Variants in TMSB15B observed in about 807,000 individuals in gnomAD.
The protein encoded by TMSB15B is thymosin beta-15B.
chrX:103,947,981 T>G (rs782141124), intron 1 of TMSB15B, among the ~76,000 whole-genome samples: 27 of 110,325 alleles, frequency 2.4e-4, no homozygotes, highest in African/African-American at 8.9e-4. Flanking sequence ...TAAGTGAGAG[T>G]TGAACAATGA....
chrX:103,928,494 C>T, intron 1 of TMSB15B: 1 of 1,203,109 alleles, frequency 8.3e-7, no homozygotes, highest in Admixed American at 2.2e-5. Context: ...TGGCACTCAG[C>T]CCCTTTGAAA....
intron 1 of TMSB15B, among the ~76,000 whole-genome samples, chrX:103,947,443 T>C (rs1317214676): frequency 9.8e-5 from 11 of 111,923 alleles, no homozygotes; most frequent in African/African-American, 2.9e-4. Context: ...GAGCTGGTTA[T>C]ATGGGTGTCT....
intron 1 of TMSB15B, among the ~76,000 whole-genome samples, chrX:103,924,790 G>A (rs1556318525): frequency 9.0e-6 from 1 of 111,231 alleles, no homozygotes; most frequent in Admixed American, 9.5e-5. Flanking sequence ...GGAATCCCCT[G>A]GGCTCATTTT....
chrX:103,939,049 G>T (rs2075005899), intron 1 of TMSB15B, among the ~76,000 whole-genome samples: 1 of 112,050 alleles, frequency 8.9e-6, no homozygotes, highest in Admixed American at 9.4e-5. Flanking sequence ...GCTTCCCTTT[G>T]TGGGTAACTT....
chrX:103,937,024 T>G (rs1376833119), intron 1 of TMSB15B, among the ~76,000 whole-genome samples: 20 of 112,237 alleles, frequency 1.8e-4, no homozygotes, highest in African/African-American at 6.5e-4. Flanking sequence ...GAAGCTGACT[T>G]GATTGTAGTG....
chrX:103,928,715 G>A, intron 1 of TMSB15B: 2 of 1,160,471 alleles, frequency 1.7e-6, no homozygotes, highest in East Asian at 3.0e-5. Flanking sequence ...GCAGAGCAAG[G>A]CCTGGCCCAT....
At chrX:103,925,236 T>C (rs2147816552) in intron 1 of TMSB15B, among the ~76,000 whole-genome samples, 1 of 112,438 alleles carries the variant, frequency 8.9e-6, no homozygotes, top group African/African-American at 3.2e-5. Flanking sequence ...TGAAATGTCT[T>C]GCCCAAGGTC....
chrX:103,953,882 A>G (rs1313140179), intron 1 of TMSB15B, among the ~76,000 whole-genome samples: 2 of 111,505 alleles, frequency 1.8e-5, no homozygotes, highest in African/African-American at 6.5e-5. Flanking sequence ...CTAACAAAGA[A>G]GCAGAGACCC....
At chrX:103,928,757 A>G in intron 1 of TMSB15B, 7 of 1,178,201 alleles carry the variant, frequency 5.9e-6, no homozygotes, top group Non-Finnish European at 8.1e-6. Context: ...GGTAGTGTCA[A>G]TGAAACAATC....
intron 1 of TMSB15B, among the ~76,000 whole-genome samples, chrX:103,952,123 C>T (rs1316443551): frequency 1.8e-5 from 2 of 111,429 alleles, no homozygotes; most frequent in Non-Finnish European, 3.8e-5. Flanking sequence ...CAGGCTGACT[C>T]AAACTCCTGG....
chrX:103,939,412 A>T (rs781850413), intron 1 of TMSB15B, among the ~76,000 whole-genome samples: 13 of 108,787 alleles, frequency 1.2e-4, no homozygotes, highest in African/African-American at 4.4e-4. Context: ...GCTGATCTTC[A>T]ATCTCTGATA....
At chrX:103,948,677 T>C (rs1164270367) in intron 1 of TMSB15B, among the ~76,000 whole-genome samples, 1 of 112,488 alleles carries the variant, frequency 8.9e-6, no homozygotes, top group African/African-American at 3.2e-5. Flanking sequence ...ATTCACAATG[T>C]TGTGTAAAAG....
chrX:103,923,580 G>A (rs1161865457), intron 1 of TMSB15B, among the ~76,000 whole-genome samples: 10 of 111,878 alleles, frequency 8.9e-5, no homozygotes, highest in Admixed American at 3.8e-4. Context: ...TTTGGTACCA[G>A]TACCATGCTG....
chrX:103,940,713 C>A (rs1279750403), intron 1 of TMSB15B, among the ~76,000 whole-genome samples: 3 of 110,303 alleles, frequency 2.7e-5, no homozygotes, highest in African/African-American at 9.9e-5. Context: ...GTATGAAAAA[C>A]AACAACAACA....
intron 1 of TMSB15B, among the ~76,000 whole-genome samples, chrX:103,937,496 G>A (rs1200625201): frequency 6.3e-5 from 7 of 111,904 alleles, no homozygotes; most frequent in Admixed American, 1.9e-4. Context: ...TTGTATTTCT[G>A]TGGGATCAGT....
chrX:103,952,201 A>T (rs782747200), intron 1 of TMSB15B, among the ~76,000 whole-genome samples: 4 of 111,499 alleles, frequency 3.6e-5, no homozygotes, highest in African/African-American at 1.3e-4. Context: ...CTAGCTTTAG[A>T]ATGATCGATA....
intron 1 of TMSB15B, among the ~76,000 whole-genome samples, chrX:103,940,715 A>G (rs782034158): frequency 2.6e-4 from 29 of 110,949 alleles, no homozygotes; most frequent in African/African-American, 9.5e-4. Flanking sequence ...ATGAAAAACA[A>G]CAACAACAAC....
At chrX:103,924,147 G>C (rs4113811) in intron 1 of TMSB15B, among the ~76,000 whole-genome samples, 41,491 of 109,830 alleles carry the variant, frequency 0.38, 5,764 homozygotes, top group Admixed American at 0.53. Flanking sequence ...AATTCAAACC[G>C]AGGGCTGGCT....
intron 1 of TMSB15B, among the ~76,000 whole-genome samples, chrX:103,935,815 C>T (rs1391911985): frequency 2.9e-5 from 3 of 102,553 alleles, no homozygotes; most frequent in Non-Finnish European, 5.9e-5. Context: ...CTTGGCAATG[C>T]GGGCTCTTTT....
Sources: gnomAD v4.1 joint callset for allele counts (sites outside exome capture counted in the v4.1 genomes callset) on GRCh38, gnomAD v4.1.1 for gene constraint, MANE v1.5 for transcripts, NCBI Gene and HGNC (gene_info 2026-07-23, HGNC 2026-07-21) for gene names.